GRIK2: variants seen among roughly 807,000 people sequenced by gnomAD.
GRIK2 encodes glutamate receptor ionotropic, kainate 2.
Under a neutral mutation model 100.3 loss-of-function variants are expected in GRIK2, and 32 were observed. That is an observed-to-expected ratio of 0.32 (90% CI 0.24 to 0.43). The LOEUF is 0.43. GRIK2 is among the 20% of genes least tolerant of loss of function. The pLI, the probability that GRIK2 is intolerant of heterozygous loss-of-function variation, is 1.00. For synonymous variants in GRIK2, 417 were observed against 389.4 expected, an observed-to-expected ratio of 1.07 and a Z score of -0.83; for missense variants, 843 against 1,114.9, an observed-to-expected ratio of 0.76 and a Z score of 3.47.
intron 2 of GRIK2, among the ~76,000 whole-genome samples, chr6:101,406,894 C>A (rs2128237000): frequency 6.6e-6 from 1 of 152,052 alleles, no homozygotes; most frequent in Admixed American, 6.5e-5. Flanking sequence ...ATTTTTAATG[C>A]TTTTTACCTC....
At position 101,495,500 on chromosome 6, in the gene GRIK2, C is replaced by T. The variant is rs113247603; in HGVS notation, c.115+96108C>T. ...TAGCCTGGGAGATAGAGCAAGACTC[C>T]GTCTCAAAATAAGTAAATAAATAAA... On this transcript the variant is annotated intron_variant, in intron 2 of 16. Transcript: ENST00000369134. 1.0e-3 allele frequency among the ~76,000 whole-genome samples: 158 copies of T among 151,978 alleles called. 2 individuals carry two copies. The highest frequency in any genetic ancestry group is 3.4e-3 in the Middle Eastern group (1 of 292).
Position 101,676,803 on chromosome 6 carries a change from A to T in GRIK2, c.722A>T (p.Gln241Leu). ...GAAATGGCAGCAGGCATTTTAAAAC[A>T]GGTAACCTTTAAATTACTTCAATTC... ...SHEMAAGILK[Q>L]ALAMGMMTEY... Residue 241 changes from glutamine (Q) to leucine (L), a missense_variant and splice_region_variant, in exon 5 of 17, where the codon CAG (glutamine) becomes CTG (leucine). Coordinates refer to ENST00000369134, the MANE Select transcript of GRIK2 (RefSeq NM_021956.5). 6.4e-7 allele frequency: 1 copy of T among 1,572,116 alleles called. No homozygotes were observed. Among genetic ancestry groups the T allele is most frequent in the Non-Finnish European group, 8.7e-7 (1 of 1,150,880 alleles).
At chr6:101,641,042 AT>A (rs1781256983) in intron 4 of GRIK2, among the ~76,000 whole-genome samples, 2 of 152,236 alleles carry the variant, frequency 1.3e-5, no homozygotes, top group South Asian at 4.1e-4. Context: ...ATTCTGCTAA[AT>A]ATTCTTGTCC....
At chr6:101,739,370 C>T (rs1364272147) in intron 7 of GRIK2, among the ~76,000 whole-genome samples, 1 of 152,190 alleles carries the variant, frequency 6.6e-6, no homozygotes, top group East Asian at 1.9e-4. Flanking sequence ...AGCTGGTCTG[C>T]CATTTTTGTG....
chr6:101,507,996 A>G (rs552841419), intron 2 of GRIK2, among the ~76,000 whole-genome samples: 43 of 152,264 alleles, frequency 2.8e-4, no homozygotes, highest in African/African-American at 8.7e-4. Context: ...TTGTCATTGT[A>G]TATGCTTTAA....
chr6:101,664,752 A>G (rs1769885372), intron 4 of GRIK2, among the ~76,000 whole-genome samples: 1 of 152,198 alleles, frequency 6.6e-6, no homozygotes, highest in Admixed American at 6.5e-5. Context: ...ATTTCTAAAG[A>G]GAAAGAGGTT....
intron 14 of GRIK2, among the ~76,000 whole-genome samples, chr6:101,971,441 A>C (rs575950323): frequency 6.6e-6 from 1 of 152,158 alleles, no homozygotes; most frequent in South Asian, 2.1e-4. Context: ...GAGATGATAT[A>C]GGATAGAATG....
At chr6:101,685,551 G>T (rs1472149055) in intron 6 of GRIK2, among the ~76,000 whole-genome samples, 1 of 152,106 alleles carries the variant, frequency 6.6e-6, no homozygotes, top group African/African-American at 2.4e-5. Flanking sequence ...GAGCAAGAAA[G>T]TTCACTATAT....
At chr6:101,815,232 G>T (rs1276457532) in intron 9 of GRIK2, among the ~76,000 whole-genome samples, 1 of 152,090 alleles carries the variant, frequency 6.6e-6, no homozygotes, top group Non-Finnish European at 1.5e-5. Flanking sequence ...TTGACTCTGG[G>T]TGTATTCATA....
intron 16 of GRIK2, among the ~76,000 whole-genome samples, chr6:102,058,889 T>G (rs1337805257): frequency 4.0e-5 from 6 of 151,422 alleles, no homozygotes; most frequent in Non-Finnish European, 8.9e-5. Context: ...ATATAATATA[T>G]ATGAAGTTTA....
At chr6:102,067,326 G>A (rs949050540) in intron 16 of GRIK2, among the ~76,000 whole-genome samples, 6 of 151,624 alleles carry the variant, frequency 4.0e-5, no homozygotes. Flanking sequence ...GCCATGCTGT[G>A]GAACAGAGCT....
At chr6:101,801,972 C>G (rs540751495) in intron 8 of GRIK2, among the ~76,000 whole-genome samples, 1 of 151,692 alleles carries the variant, frequency 6.6e-6, no homozygotes, top group African/African-American at 2.4e-5. Context: ...GTAGTTCTAA[C>G]TGTATTTGCC....
At chr6:101,660,915 G>A (rs1001813215) in intron 4 of GRIK2, among the ~76,000 whole-genome samples, 7 of 152,106 alleles carry the variant, frequency 4.6e-5, no homozygotes, top group Admixed American at 3.9e-4. Context: ...TCTGTTGACC[G>A]CTGCTGGGAG....
At position 101,621,919 on chromosome 6, in the gene GRIK2, A is replaced by C. The variant is rs758965075; in HGVS notation, c.116-30A>C. ...TGAAAATTATGTTTATTCTTGTAAA[A>C]TTTATGATTTTTCTCTTTCTTTTTG... On this transcript the variant is annotated intron_variant, in intron 2 of 16. Transcript: ENST00000369134. 8 of 1,503,992 alleles carry C rather than the reference A, an allele frequency of 5.3e-6. No homozygotes were observed. In the East Asian group the frequency reaches 1.6e-4, roughly 30 times the overall value. 93.2% of individuals were successfully genotyped at this position (1,503,992 alleles called of 1,614,324 possible).
chr6:101,964,738 G>A (rs1582629666), intron 14 of GRIK2, among the ~76,000 whole-genome samples: 1 of 152,066 alleles, frequency 6.6e-6, no homozygotes, highest in South Asian at 2.1e-4. Flanking sequence ...TTGCATGGAA[G>A]GTGCAAATTT....
intron 12 of GRIK2, among the ~76,000 whole-genome samples, chr6:101,908,245 T>C (rs1288097697): frequency 3.8e-5 from 1 of 26,418 alleles, no homozygotes; most frequent in Non-Finnish European, 7.4e-5. Flanking sequence ...TTTTATTATG[T>C]GCAGCTAGTA....
intron 14 of GRIK2, among the ~76,000 whole-genome samples, chr6:102,000,018 CT>C (rs550597148): frequency 1.3e-5 from 2 of 151,676 alleles, no homozygotes; most frequent in African/African-American, 2.4e-5. Flanking sequence ...TCAAATTGGT[CT>C]TTTTTTTGTA....
chr6:101,991,183 A>T (rs1046242726), intron 14 of GRIK2, among the ~76,000 whole-genome samples: 5 of 151,876 alleles, frequency 3.3e-5, no homozygotes, highest in Non-Finnish European at 7.4e-5. Context: ...CACAATGATT[A>T]TTAATTTCAC....
intron 2 of GRIK2, among the ~76,000 whole-genome samples, chr6:101,474,969 TTCCCATAG>T (rs1772152416): frequency 6.6e-6 from 1 of 151,918 alleles, no homozygotes; most frequent in African/African-American, 2.4e-5. Context: ...ATTTTTCTTC[TTCCCATAG>T]TCCCATCCAA....
Sources: allele counts gnomAD v4.1 joint callset (sites outside exome capture counted in the v4.1 genomes callset), GRCh38; gene constraint gnomAD v4.1.1; transcripts MANE v1.5; gene names NCBI Gene and HGNC (gene_info 2026-07-23, HGNC 2026-07-21).